TEX14: variants seen among roughly 807,000 people sequenced by gnomAD.
TEX14 encodes the protein testis expressed 14, intercellular bridge forming factor.
In TEX14, 168 loss-of-function variants were observed where a neutral mutation model predicts 178.6. That is an observed-to-expected ratio of 0.94 (90% confidence interval 0.83 to 1.07). TEX14 has a LOEUF of 1.07. Among genes scored for constraint, TEX14 ranks in the 50% least tolerant of loss-of-function variants. The pLI is 0.00. For missense variants in TEX14, 1,730 were observed against 1,753.6 expected, an observed-to-expected ratio of 0.99 and a Z score of 0.24; for synonymous variants, 626 against 634.1, an observed-to-expected ratio of 0.99 and a Z score of 0.19.
intron 21 of TEX14, among the ~76,000 whole-genome samples, 183 bp downstream of exon 21, chr17:58,577,192 T>C (rs951745281): frequency 3.3e-5 from 5 of 152,134 alleles, no homozygotes; most frequent in African/African-American, 1.2e-4. Context: ...TAAGTAAAGG[T>C]GATGACTCAA....
At chr17:58,603,964 C>CCTTCCATCT (rs764242324) in intron 11 of TEX14, among the ~76,000 whole-genome samples, 49 of 128,926 alleles carry the variant, frequency 3.8e-4, no homozygotes, top group Non-Finnish European at 6.9e-4. Flanking sequence ...TTGAAGGATT[C>CCTTCCATCT]CTTCCATCTT....
chr17:58,614,500 CA>C (rs894290960), intron 8 of TEX14, among the ~76,000 whole-genome samples: 1 of 151,470 alleles, frequency 6.6e-6, no homozygotes, highest in Non-Finnish European at 1.5e-5. Flanking sequence ...ACCCTCCCCG[CA>C]AAAAAAATAG....
intron 15 of TEX14, 98 bp downstream of exon 15, chr17:58,593,457 C>T (rs1371481985): frequency 2.2e-6 from 2 of 908,880 alleles, no homozygotes; most frequent in Non-Finnish European, 3.6e-6. Context: ...ACTCACAGTC[C>T]TTTTGTCACT....
At chr17:58,580,403 C>T (rs947352962) in intron 19 of TEX14, among the ~76,000 whole-genome samples, 7 of 152,168 alleles carry the variant, frequency 4.6e-5, no homozygotes, top group South Asian at 4.1e-4. Context: ...CCTCTGTCCC[C>T]CGGGTTCAAG....
Position 58,605,171 on chromosome 17 carries a change from G to A in TEX14, c.1185-42C>T, listed in dbSNP as rs572096929. 5 of 1,587,260 alleles carry A rather than the reference G, an allele frequency of 3.2e-6. No homozygotes were observed. The African/African-American group carries it at 4.1e-5, about 13-fold the overall frequency. ...ACAAGTCAGCGCTCATGCCTTAAAG[G>A]GTCTTTTATTCATTCATTCATTCAT... On this transcript the variant is annotated intron_variant, in intron 10 of 31. Coordinates refer to ENST00000349033, the MANE Select transcript of TEX14 (RefSeq NM_031272.5).
intron 1 of TEX14, among the ~76,000 whole-genome samples, chr17:58,652,816 C>T (rs1434391211): frequency 6.6e-6 from 1 of 152,202 alleles, no homozygotes; most frequent in Non-Finnish European, 1.5e-5. Flanking sequence ...ACAGTTCAGA[C>T]TCTGAAACTG....
intron 19 of TEX14, chr17:58,581,882 G>A (rs1029542957): frequency 1.0e-5 from 8 of 803,532 alleles, no homozygotes; most frequent in Non-Finnish European, 1.5e-5. Flanking sequence ...TTGTGCATGT[G>A]CCTCTGCCTT....
intron 9 of TEX14, among the ~76,000 whole-genome samples, chr17:58,611,963 G>A (rs547839729): frequency 1.3e-5 from 2 of 152,324 alleles, no homozygotes; most frequent in East Asian, 3.9e-4. Flanking sequence ...AGCCATTTGG[G>A]GGAAGAGCCC....
chr17:58,637,226 C>CA (rs199577826), intron 2 of TEX14, among the ~76,000 whole-genome samples: 68 of 152,080 alleles, frequency 4.5e-4, no homozygotes, highest in East Asian at 3.7e-3. Context: ...GTCTCAAAAA[C>CA]AAAAAACAAA....
chr17:58,591,748 T>C lies in TEX14; in HGVS notation c.2576+1807A>G, dbSNP rs182624553. 8.8e-4 allele frequency among the ~76,000 whole-genome samples: 134 copies of C among 151,426 alleles called. 2 individuals are homozygous for C. The highest frequency in any genetic ancestry group is 6.8e-3 in the Admixed American group (103 of 15,204). ...AAACAAAAAAAAACTAAAACTGATA[T>C]ACTAGTCTGTCGTGAAAAACATATA... On this transcript the variant is annotated intron_variant, in intron 15 of 31. Transcript: ENST00000349033.
chr17:58,648,983 G>A (rs1300282217), intron 2 of TEX14, among the ~76,000 whole-genome samples: 1 of 150,086 alleles, frequency 6.7e-6, no homozygotes, highest in Non-Finnish European at 1.5e-5. Context: ...TAGAGACGGG[G>A]TTTCACCGTG....
At chr17:58,601,398 T>G (rs1038081584) in intron 13 of TEX14, among the ~76,000 whole-genome samples, 1 of 151,832 alleles carries the variant, frequency 6.6e-6, no homozygotes, top group Non-Finnish European at 1.5e-5. Context: ...TGTGCGTGCC[T>G]GTAATCCCAG....
At chr17:58,563,799 TACACACACACAGACAC>T (rs1289730813) in intron 28 of TEX14, among the ~76,000 whole-genome samples, 1 of 141,822 alleles carries the variant, frequency 7.1e-6, no homozygotes, top group Non-Finnish European at 1.5e-5. Flanking sequence ...TATATATGTA[TACACACACACAGACAC>T]ACACACACAC....
intron 15 of TEX14, among the ~76,000 whole-genome samples, chr17:58,588,281 A>AT (rs1234360476): frequency 6.6e-6 from 1 of 152,124 alleles, no homozygotes; most frequent in African/African-American, 2.4e-5. Context: ...GCCCACCTTC[A>AT]TATCAGTGAC....
intron 1 of TEX14, among the ~76,000 whole-genome samples, chr17:58,691,172 T>A (rs184183672): frequency 6.6e-6 from 1 of 152,268 alleles, no homozygotes; most frequent in East Asian, 1.9e-4. Context: ...TTTTCTTTTA[T>A]CAGAATTGAT....
intron 6 of TEX14, among the ~76,000 whole-genome samples, chr17:58,617,023 G>T (rs1335886444): frequency 6.6e-6 from 1 of 152,172 alleles, no homozygotes; most frequent in African/African-American, 2.4e-5. Context: ...GGTCAAGGCG[G>T]GTGGACCGAT....
At position 58,577,373 on chromosome 17, in the gene TEX14, A is replaced by G; in HGVS notation, c.3320+2T>C. On this transcript the variant is annotated splice_donor_variant, in intron 21 of 31. Coordinates refer to ENST00000349033, the MANE Select transcript of TEX14 (RefSeq NM_031272.5). LOFTEE classifies it high-confidence loss of function. Reference sequence around the variant, plus strand: ...ACTGCATAAGATAATAATAGCCCATACCTTCGTACAGGTTGAAATTGAGAC... The same window carrying G: ...ACTGCATAAGATAATAATAGCCCATGCCTTCGTACAGGTTGAAATTGAGAC... 7.4e-7 allele frequency: 1 copy of G among 1,358,680 alleles called. No individual in the cohort carries two copies. The highest frequency in any genetic ancestry group is 1.0e-6 in the Non-Finnish European group (1 of 1,004,856). 84.2% of individuals were successfully genotyped at this position (1,358,680 alleles called of 1,614,324 possible). A position where few individuals can be genotyped will look rare whatever the true frequency, so the allele number is the denominator to read the frequency against.
chr17:58,605,931 C>T (rs1475592662), intron 10 of TEX14, among the ~76,000 whole-genome samples: 1 of 152,158 alleles, frequency 6.6e-6, no homozygotes, highest in Non-Finnish European at 1.5e-5. Flanking sequence ...CACTGTACTT[C>T]TGGGCTTACA....
chr17:58,633,910 G>C (rs2046377026), intron 2 of TEX14, among the ~76,000 whole-genome samples: 1 of 150,952 alleles, frequency 6.6e-6, no homozygotes, highest in South Asian at 2.1e-4. Context: ...AGAGGTTGCA[G>C]TGAGCCGAGA....
Sources: allele counts gnomAD v4.1 joint callset (sites outside exome capture counted in the v4.1 genomes callset), GRCh38; gene constraint gnomAD v4.1.1; transcripts MANE v1.5; gene names NCBI Gene and HGNC (gene_info 2026-07-23, HGNC 2026-07-21).